The following SLC9A6 variants were observed in gnomAD, a reference collection of about 807,000 sequenced individuals.
The protein encoded by SLC9A6 is solute carrier family 9 member A6, also known as sodium/hydrogen exchanger 6.
Under a neutral mutation model 45.3 loss-of-function variants are expected in SLC9A6, and 6 were observed. That is an observed-to-expected ratio of 0.13 (90% confidence interval 0.07 to 0.26). The LOEUF (loss-of-function observed/expected upper bound fraction) is 0.26, where lower values mean the gene tolerates loss of function less well. SLC9A6 is among the 10% of genes least tolerant of loss of function. The probability of loss-of-function intolerance (pLI) is 1.00; values close to 1 mark genes in which losing one functional copy is unlikely to be tolerated. For synonymous variants in SLC9A6, 191 were observed against 187.7 expected, an observed-to-expected ratio of 1.02 and a Z score of -0.14; for missense variants, 278 against 503.7, an observed-to-expected ratio of 0.55 and a Z score of 4.29.
Position 136,023,520 on chromosome X carries a change from T to C in SLC9A6, c.1307-810T>C, listed in dbSNP as rs149503896. ...GCATGGATGAATCTCAGAGGCATTA[T>C]GCTAAGTGCAAGAAGCCAGTCTTGA... On this transcript the variant is annotated intron_variant, in intron 12 of 17. Transcript: ENST00000630721. Among the ~76,000 whole-genome samples, 1,001 of 109,700 alleles carry C rather than the reference T, an allele frequency of 9.1e-3. 8 individuals carry two copies. Among genetic ancestry groups the C allele is most frequent in the Non-Finnish European group, 0.014 (755 of 52,731 alleles).
chrX:136,046,944 T>C lies in SLC9A6; in HGVS notation c.*2220T>C, dbSNP rs1422641737. On this transcript the variant is annotated 3_prime_UTR_variant, in exon 18 of 18. Coordinates refer to ENST00000630721, the MANE Select transcript of SLC9A6 (RefSeq NM_001379110.1). ...TTGAATGGCTTGAACGTTGCATCTTTTAAAGTTATTTTTTAAGGTTTCTTG... is the reference window on the plus strand; with the variant it reads ...TTGAATGGCTTGAACGTTGCATCTTCTAAAGTTATTTTTTAAGGTTTCTTG... 8.9e-6 allele frequency: 1 copy of C among 112,950 alleles called. No homozygotes were observed. The highest frequency in any genetic ancestry group is 1.9e-5 in the Non-Finnish European group (1 of 53,346). The allele number at this position is 112,950 out of a possible 1,213,427, so 9.3% of individuals were successfully genotyped here.
chrX:136,003,895 A>G (rs2089616913), intron 7 of SLC9A6, among the ~76,000 whole-genome samples: 1 of 110,784 alleles, frequency 9.0e-6, no homozygotes, highest in African/African-American at 3.3e-5. Context: ...TTTAATCTCT[A>G]GAAGTGTTAA....
At chrX:135,995,045 C>A in intron 3 of SLC9A6, 60 bp downstream of exon 3, 1 of 754,413 alleles carries the variant, frequency 1.3e-6, no homozygotes, top group Non-Finnish European at 2.0e-6. Context: ...CAAAATGATC[C>A]AGGAGAAAAT....
At chrX:136,016,872 T>G in intron 11 of SLC9A6, 114 bp downstream of exon 11, 1 of 428,056 alleles carries the variant, frequency 2.3e-6, no homozygotes, top group Non-Finnish European at 4.0e-6. Flanking sequence ...TTCCTCTGAG[T>G]AAAACAAATA....
intron 16 of SLC9A6, among the ~76,000 whole-genome samples, chrX:136,033,971 C>G (rs35972549): frequency 0.074 from 8,255 of 111,346 alleles, 338 homozygotes; most frequent in African/African-American, 0.16. Flanking sequence ...TTTCCAAAGA[C>G]TAGGAGATTC....
At chrX:135,997,191 G>A (rs2089515914) in intron 3 of SLC9A6, among the ~76,000 whole-genome samples, 1 of 110,095 alleles carries the variant, frequency 9.1e-6, no homozygotes, top group South Asian at 3.8e-4. Context: ...CAAGTAGCGG[G>A]GATTACAGGC....
intron 17 of SLC9A6, 140 bp downstream of exon 17, chrX:136,040,321 T>G: frequency 8.2e-6 from 4 of 490,166 alleles, no homozygotes; most frequent in Non-Finnish European, 1.1e-5. Flanking sequence ...TTTAAGCATA[T>G]TTTGCTCAAC....
chrX:135,996,421 G>A (rs2089497868), intron 3 of SLC9A6, among the ~76,000 whole-genome samples: 1 of 111,459 alleles, frequency 9.0e-6, no homozygotes, highest in Admixed American at 9.6e-5. Flanking sequence ...TTCCACCTGT[G>A]GAAAATTCCA....
intron 5 of SLC9A6, 38 bp from the exon 6 acceptor site, chrX:135,998,818 A>T: frequency 3.0e-6 from 3 of 990,221 alleles, no homozygotes; most frequent in Non-Finnish European, 2.9e-6. Flanking sequence ...TTAACAGTTG[A>T]TATTTTTTTC....
intron 1 of SLC9A6, among the ~76,000 whole-genome samples, chrX:135,975,981 CAAAAAAAAAAA>C (rs782541566): frequency 9.6e-5 from 6 of 62,463 alleles, no homozygotes; most frequent in South Asian, 3.0e-3. Flanking sequence ...TTTCTCTAAC[CAAAAAAAAAAA>C]AAAAAAAAAG....
In SLC9A6 at chrX:136,033,511, A is replaced by G. The variant is rs782141247; in HGVS notation, c.1661+18A>G. 103 of 437,834 alleles carry G rather than the reference A, an allele frequency of 2.4e-4. No individual in the cohort carries two copies. The highest frequency in any genetic ancestry group is 5.1e-4 in the African/African-American group (19 of 36,920). The allele number at this position is 437,834 out of a possible 1,213,427, so 36.1% of individuals were successfully genotyped here. A position where few individuals can be genotyped will look rare whatever the true frequency, so the allele number is the denominator to read the frequency against. On this transcript the variant is annotated intron_variant, in intron 16 of 17. Coordinates refer to ENST00000630721, the MANE Select transcript of SLC9A6 (RefSeq NM_001379110.1). ...GATCATAAGTATCCTTAATTGAGGG[A>G]AAAAAAAAAAGGATAATGTGGACAT...
At chrX:136,033,305 G>A (rs2071359023) in intron 15 of SLC9A6, 109 bp from the exon 16 acceptor site, 1 of 469,274 alleles carries the variant, frequency 2.1e-6, no homozygotes, top group African/African-American at 2.4e-5. Flanking sequence ...CCTTGTTGGA[G>A]AGTGTCTTAT....
chrX:136,008,767 A>G (rs782543988), intron 7 of SLC9A6, among the ~76,000 whole-genome samples: 255 of 112,199 alleles, frequency 2.3e-3, no homozygotes, highest in African/African-American at 8.1e-3. Context: ...AAAAGTATTC[A>G]TAAAAAATGC....
intron 2 of SLC9A6, 100 bp from the exon 3 acceptor site, chrX:135,994,686 G>A: frequency 2.6e-6 from 2 of 761,787 alleles, no homozygotes; most frequent in Non-Finnish European, 4.1e-6. Context: ...GAGCTACAGG[G>A]AACTACCGTA....
In SLC9A6 at chrX:136,047,054, A is replaced by G. The variant is rs1298624617; in HGVS notation, c.*2330A>G. 1 of 112,583 alleles carries G rather than the reference A, an allele frequency of 8.9e-6. No homozygotes were observed. Among genetic ancestry groups the G allele is most frequent in the Non-Finnish European group, 1.9e-5 (1 of 53,260 alleles). The allele number at this position is 112,583 out of a possible 1,213,427, so 9.3% of individuals were successfully genotyped here. A position where few individuals can be genotyped will look rare whatever the true frequency, so the allele number is the denominator to read the frequency against. On this transcript the variant is annotated 3_prime_UTR_variant, in exon 18 of 18. Coordinates refer to ENST00000630721, the MANE Select transcript of SLC9A6 (RefSeq NM_001379110.1). ...TTTATGTATTTTTTGTTTTCTCTGGAGTACTTGGACAGATGTTATAGTGGT... is the reference window on the plus strand; with the variant it reads ...TTTATGTATTTTTTGTTTTCTCTGGGGTACTTGGACAGATGTTATAGTGGT...
At chrX:135,984,836 G>A (rs12842657), upstream of SLC9A6, among the ~76,000 whole-genome samples, 2 of 111,700 alleles carry the variant, frequency 1.8e-5, no homozygotes, top group African/African-American at 3.3e-5. Flanking sequence ...CTGTAAGGTT[G>A]ATGAGTTTCT....
chrX:135,997,015 C>T, intron 3 of SLC9A6, among the ~76,000 whole-genome samples: 1 of 111,026 alleles, frequency 9.0e-6, no homozygotes, highest in Non-Finnish European at 1.9e-5. Context: ...ATCCGCCCGC[C>T]TTGGCCTCCC....
intron 17 of SLC9A6, among the ~76,000 whole-genome samples, chrX:136,042,209 CTG>C (rs2071524309): frequency 9.3e-6 from 1 of 107,734 alleles, no homozygotes; most frequent in African/African-American, 3.4e-5. Context: ...GAGTCTCACT[CTG>C]TCACCCAGGC....
chrX:136,025,980 C>T (rs1319813259), intron 13 of SLC9A6, among the ~76,000 whole-genome samples: 1 of 111,189 alleles, frequency 9.0e-6, no homozygotes, highest in Admixed American at 9.6e-5. Flanking sequence ...GCTTACCATC[C>T]CCGCAAAAAG....
Sources: allele counts gnomAD v4.1 joint callset (sites outside exome capture counted in the v4.1 genomes callset), GRCh38; gene constraint gnomAD v4.1.1; transcripts MANE v1.5; gene names NCBI Gene and HGNC (gene_info 2026-07-23, HGNC 2026-07-21).